The following ZNF440 variants were observed in gnomAD, a reference collection of about 807,000 sequenced individuals.
ZNF440 encodes zinc finger protein 440.
Under a neutral mutation model 49.7 loss-of-function variants are expected in ZNF440, and 47 were observed. That is an observed-to-expected ratio of 0.95 (90% CI 0.75 to 1.21). The LOEUF is 1.21. ZNF440 is among the 50% of genes most tolerant of loss of function. ZNF440 has a pLI of 0.00. For missense variants in ZNF440, 703 were observed against 715.0 expected, an observed-to-expected ratio of 0.98 and a Z score of 0.19; for synonymous variants, 255 against 237.7, an observed-to-expected ratio of 1.07 and a Z score of -0.67.
At chr19:11,820,791 G>T (rs926252446) in intron 1 of ZNF440, among the ~76,000 whole-genome samples, 1 of 152,144 alleles carries the variant, frequency 6.6e-6, no homozygotes, top group Non-Finnish European at 1.5e-5. Flanking sequence ...CCAATTGGAT[G>T]TTGCTATTGA....
intron 1 of ZNF440, among the ~76,000 whole-genome samples, chr19:11,819,804 A>C (rs1482118979): frequency 6.6e-6 from 1 of 152,220 alleles, no homozygotes; most frequent in Non-Finnish European, 1.5e-5. Context: ...TCATTTCCCT[A>C]TAAATTAGTA....
Position 11,834,109 on chromosome 19 carries a change from C to T in ZNF440, c.*1145C>T. The T allele has an allele frequency of 3.4e-6, 1 of 292,938 alleles. No individual in the cohort carries two copies. The allele number at this position is 292,938 out of a possible 1,614,324, so 18.1% of individuals were successfully genotyped here. A position where few individuals can be genotyped will look rare whatever the true frequency, so the allele number is the denominator to read the frequency against. On this transcript the variant is annotated 3_prime_UTR_variant, in exon 4 of 4. Transcript: ENST00000304060. ...CATGCTTCTGTACTTACATTTTTAT[C>T]TCAACCTTAATTTTTCTTTCTTTTT...
chr19:11,820,656 C>T (rs1288252392), intron 1 of ZNF440, among the ~76,000 whole-genome samples: 2 of 152,086 alleles, frequency 1.3e-5, no homozygotes, highest in African/African-American at 4.8e-5. Flanking sequence ...CCTGAGGGAG[C>T]AGCTGAATGA....
intron 1 of ZNF440, among the ~76,000 whole-genome samples, chr19:11,820,797 A>T (rs1170605048): frequency 6.6e-6 from 1 of 152,128 alleles, no homozygotes; most frequent in African/African-American, 2.4e-5. Context: ...GGATGTTGCT[A>T]TTGAGGAAAA....
At position 11,831,557 on chromosome 19, in the gene ZNF440, T is replaced by C. The variant is rs754886559; in HGVS notation, c.381T>C (p.Gly127=). The change falls in exon 4 of 4, where the codon GGT becomes GGC. Residue 127 remains glycine, a synonymous_variant. Transcript: ENST00000304060. ...CATCTTTTAATATGAACATCAGAGG[T>C]GACATTGGACACAAGGCATATGAGT... ...GNSSFNMNIR[G]DIGHKAYEYQ... 16 of 1,613,810 alleles carry C rather than the reference T, an allele frequency of 9.9e-6. No individual in the cohort carries two copies. Among genetic ancestry groups the C allele is most frequent in the Non-Finnish European group, 6.8e-6 (8 of 1,179,974 alleles).
intron 1 of ZNF440, chr19:11,816,282 C>T (rs1975731893): frequency 6.6e-6 from 1 of 152,196 alleles, no homozygotes; most frequent in South Asian, 2.1e-4. Flanking sequence ...GGAAGGAATG[C>T]TGAAGGAAGG....
rs1976000006 is a variant in ZNF440 at position 11,834,908 on chromosome 19, G to A, written c.*1944G>A. 1 of 151,934 alleles carries A rather than the reference G, an allele frequency of 6.6e-6. No homozygotes were observed. The allele number at this position is 151,934 out of a possible 1,614,324, so 9.4% of individuals were successfully genotyped here. On this transcript the variant is annotated 3_prime_UTR_variant, in exon 4 of 4. Transcript: ENST00000304060. ...GTCTCTACTAAAAATACAAAAGTTA[G>A]CAGGGCGTGGTGGCATGCTCCTGTA...
chr19:11,825,396 T>G (rs1975851473), intron 1 of ZNF440, among the ~76,000 whole-genome samples: 1 of 152,182 alleles, frequency 6.6e-6, no homozygotes, highest in Non-Finnish European at 1.5e-5. Flanking sequence ...ATCACAGTCT[T>G]ATAGAGAAGT....
intron 1 of ZNF440, chr19:11,815,955 A>C (rs2145113278): frequency 6.6e-6 from 1 of 152,428 alleles, no homozygotes; most frequent in East Asian, 1.9e-4. Context: ...TGGTTTGTCA[A>C]CGGAAAAAGC....
chr19:11,830,275 T>G lies in ZNF440; in HGVS notation c.4-8T>G, dbSNP rs1490610600. 2 of 1,614,194 alleles carry G rather than the reference T, an allele frequency of 1.2e-6. No homozygotes were observed. The highest frequency in any genetic ancestry group is 3.3e-5 in the Admixed American group (2 of 60,020). ...CCCATCTTCTTCTACACATGTGAGATGTTTCAGGACCCAGTGGCTTTTAAG... is the reference window on the plus strand; with the variant it reads ...CCCATCTTCTTCTACACATGTGAGAGGTTTCAGGACCCAGTGGCTTTTAAG... On this transcript the variant is annotated splice_polypyrimidine_tract_variant and splice_region_variant and intron_variant, in intron 1 of 3. Coordinates refer to ENST00000304060, the MANE Select transcript of ZNF440 (RefSeq NM_152357.3).
Position 11,832,563 on chromosome 19 carries a change from T to G in ZNF440, c.1387T>G (p.Cys463Gly). 3 of 1,613,946 alleles carry G rather than the reference T, an allele frequency of 1.9e-6. No individual in the cohort carries two copies. The highest frequency in any genetic ancestry group is 2.5e-6 in the Non-Finnish European group (3 of 1,179,988). The change falls in exon 4 of 4, where the codon TGT (cysteine) becomes GGT (glycine). Residue 463 changes from cysteine (C) to glycine (G), a missense_variant. Physicochemically the swap from Cys to Gly is radical, Grantham distance 159. Transcript: ENST00000304060. ...AGAAAGACGTTATAAATGTAAGATA[T>G]GTGGGAAAGGCTTTTATTGTCCCAA... ...SGERRYKCKI[C>G]GKGFYCPKSF...
At chr19:11,823,351 G>A (rs550078573) in intron 1 of ZNF440, among the ~76,000 whole-genome samples, 1 of 151,998 alleles carries the variant, frequency 6.6e-6, no homozygotes, top group East Asian at 1.9e-4. Context: ...TATTCATGCC[G>A]TAACACCCCC....
chr19:11,830,655 C>G lies in ZNF440; in HGVS notation c.169C>G (p.Gln57Glu). The change falls in exon 3 of 4, where the codon CAA becomes GAA. Residue 57 changes from glutamine (Q) to glutamate (E), a missense_variant. Physicochemically the swap from Gln to Glu is conservative, Grantham distance 29. Coordinates refer to ENST00000304060, the MANE Select transcript of ZNF440 (RefSeq NM_152357.3). Reference protein sequence around the residue: ...WKDQNIEYEHQNPRRNFRSLI... With the variant: ...WKDQNIEYEHENPRRNFRSLI... ...AGACCAGAACATTGAATATGAGCAC[C>G]AAAACCCCAGGAGAAACTTCAGGTA... The G allele has an allele frequency of 6.2e-7, 1 of 1,613,966 alleles. No individual in the cohort carries two copies. Among genetic ancestry groups the G allele is most frequent in the Non-Finnish European group, 8.5e-7 (1 of 1,179,968 alleles).
At position 11,832,731 on chromosome 19, in the gene ZNF440, A is replaced by G. The variant is rs1975967215; in HGVS notation, c.1555A>G (p.Asn519Asp). 6.2e-7 allele frequency: 1 copy of G among 1,613,540 alleles called. No individual in the cohort carries two copies. Among genetic ancestry groups the G allele is most frequent in the Admixed American group, 1.7e-5 (1 of 59,896 alleles). ...TLERSPINAS[N>D]VGKPSELCQS... is the part of the protein sequence containing the mutation. ...GGAGAGAAGCCCTATAAATGCGAGCAATGTGGGAAAGCCTTCAGAGCTGTG... is the reference window on the plus strand; with the variant it reads ...GGAGAGAAGCCCTATAAATGCGAGCGATGTGGGAAAGCCTTCAGAGCTGTG... Residue 519 changes from asparagine to aspartate, a missense_variant, in exon 4 of 4, where the codon AAT becomes GAT. Physicochemically the swap from Asn to Asp is conservative, Grantham distance 23 (BLOSUM62 1). Coordinates refer to ENST00000304060, the MANE Select transcript of ZNF440 (RefSeq NM_152357.3).
intron 1 of ZNF440, among the ~76,000 whole-genome samples, chr19:11,817,947 C>T (rs941118027): frequency 2.6e-5 from 4 of 151,902 alleles, no homozygotes; most frequent in Non-Finnish European, 2.9e-5. Flanking sequence ...TGGTGGCTCA[C>T]GCCTGTAATC....
chr19:11,832,004 G>T lies in ZNF440; in HGVS notation c.828G>T (p.Arg276Ser). 6.2e-7 allele frequency: 1 copy of T among 1,613,996 alleles called. No individual in the cohort carries two copies. The highest frequency in any genetic ancestry group is 8.5e-7 in the Non-Finnish European group (1 of 1,179,988). The change falls in exon 4 of 4, where the codon AGG (arginine) becomes AGT (serine). Residue 276 changes from arginine to serine, a missense_variant. Arg to Ser is a moderately radical substitution (Grantham distance 110). Coordinates refer to ENST00000304060, the MANE Select transcript of ZNF440 (RefSeq NM_152357.3). ...CCAGATCCTATCGTAGACATGAAAG[G>T]ATTCACATGGGAGAAAAGGCTTATC... ...HSPRSYRRHERIHMGEKAYQC... is the reference protein window; with the variant it reads ...HSPRSYRRHESIHMGEKAYQC...
chr19:11,819,698 C>T lies in ZNF440; in HGVS notation c.3+5248C>T, dbSNP rs1214110402. Among the ~76,000 whole-genome samples, 3 of 152,296 alleles carry T rather than the reference C, an allele frequency of 2.0e-5. No individual in the cohort carries two copies. The East Asian group carries it at 5.8e-4, about 29-fold the overall frequency. On this transcript the variant is annotated intron_variant, in intron 1 of 3. Transcript: ENST00000304060. ...TACAGGAGTGAGCCACCATGCCTGG[C>T]CTGACTTACTTGTTCACACAGCCTA...
At chr19:11,826,274 C>T (rs1975864833) in intron 1 of ZNF440, among the ~76,000 whole-genome samples, 1 of 152,058 alleles carries the variant, frequency 6.6e-6, no homozygotes, top group Admixed American at 6.6e-5. Flanking sequence ...TGCTTAAGGC[C>T]AGAAGTTAGA....
intron 1 of ZNF440, among the ~76,000 whole-genome samples, chr19:11,819,863 C>A (rs1975777474): frequency 6.6e-6 from 1 of 152,094 alleles, no homozygotes; most frequent in Non-Finnish European, 1.5e-5. Context: ...TTAGGTAGGA[C>A]CTTAGAATAC....
Sources: gnomAD v4.1 joint callset for allele counts (sites outside exome capture counted in the v4.1 genomes callset) on GRCh38, gnomAD v4.1.1 for gene constraint, MANE v1.5 for transcripts, NCBI Gene and HGNC (gene_info 2026-07-23, HGNC 2026-07-21) for gene names.